Variants in SYN3 observed in about 807,000 individuals in gnomAD.
SYN3 encodes synapsin-3.
Under a neutral mutation model 65.8 loss-of-function variants are expected in SYN3, and 35 were observed. The observed-to-expected ratio is 0.53, with a 90% CI of 0.41 to 0.70. The LOEUF (loss-of-function observed/expected upper bound fraction) is 0.70. Ranked by LOEUF, SYN3 falls within the 30% of genes least tolerant of loss-of-function variation. The pLI is 0.00. For missense variants in SYN3, 680 were observed against 749.0 expected (o/e 0.91, Z 1.08); for synonymous variants, 270 against 292.9 (o/e 0.92, Z 0.80).
At chr22:32,719,760 A>G (rs2061090221) in intron 6 of SYN3, among the ~76,000 whole-genome samples, 1 of 152,216 alleles carries the variant, frequency 6.6e-6, no homozygotes, top group African/African-American at 2.4e-5. Context: ...AGGTGGGAGG[A>G]TGGCTTTAGC....
intron 6 of SYN3, among the ~76,000 whole-genome samples, chr22:32,697,741 A>T (rs1206487769): frequency 6.6e-6 from 1 of 152,232 alleles, no homozygotes; most frequent in African/African-American, 2.4e-5. Context: ...GCTATCAGTC[A>T]CTGTGCATTC....
intron 2 of SYN3, among the ~76,000 whole-genome samples, chr22:32,981,831 C>T (rs961005069): frequency 6.6e-6 from 1 of 152,012 alleles, no homozygotes; most frequent in Admixed American, 6.5e-5. Flanking sequence ...CCATATTTTT[C>T]TTAAATTCAT....
At chr22:32,939,945 G>A (rs1272881709) in intron 3 of SYN3, among the ~76,000 whole-genome samples, 1 of 152,124 alleles carries the variant, frequency 6.6e-6, no homozygotes, top group Non-Finnish European at 1.5e-5. Flanking sequence ...TTTCCTCAGT[G>A]GTTTTGCCAA....
chr22:32,965,612 G>C (rs1202235408), intron 3 of SYN3, among the ~76,000 whole-genome samples: 1 of 151,908 alleles, frequency 6.6e-6, no homozygotes. Flanking sequence ...GAGAGAGACA[G>C]ATAGATAATA....
chr22:32,890,083 T>TG (rs1404884946), intron 4 of SYN3, among the ~76,000 whole-genome samples: 1 of 145,856 alleles, frequency 6.9e-6, no homozygotes, highest in East Asian at 2.0e-4. Context: ...TTTTTTTTTT[T>TG]TTTTTTTTTT....
chr22:32,981,600 T>C (rs111599395), intron 2 of SYN3, among the ~76,000 whole-genome samples: 7 of 151,508 alleles, frequency 4.6e-5, no homozygotes, highest in Non-Finnish European at 7.4e-5. Flanking sequence ...ATAATAATAA[T>C]AATAATAATA....
chr22:33,009,751 A>AAC (rs58156623), intron 1 of SYN3, among the ~76,000 whole-genome samples: 12,644 of 141,034 alleles, frequency 0.09, 528 homozygotes, highest in Middle Eastern at 0.14. Flanking sequence ...TACGTATCTA[A>AAC]ACACACACAC....
rs371215489 is a variant in SYN3 at position 32,955,296 on chromosome 22, C to T, written c.370-23815G>A. On this transcript the variant is annotated intron_variant, in intron 3 of 13. Coordinates refer to ENST00000358763, the MANE Select transcript of SYN3 (RefSeq NM_003490.4). The stretch of plus-strand genomic sequence containing the variant: ...GCCAGCGGGTTCAGCACTCAGGATG[C>T]TAAATGCTGCAAAGAAAAATGAGGC... 2.2e-4 allele frequency among the ~76,000 whole-genome samples: 33 copies of T among 152,130 alleles called. 1 individual carries two copies. In the South Asian group the frequency reaches 6.8e-3, roughly 32 times the overall value.
chr22:32,865,308 C>T (rs567569510), intron 5 of SYN3, among the ~76,000 whole-genome samples: 1 of 152,326 alleles, frequency 6.6e-6, no homozygotes, highest in African/African-American at 2.4e-5. Context: ...TGTCCTTCTC[C>T]ACCTGCTGAT....
intron 6 of SYN3, among the ~76,000 whole-genome samples, chr22:32,744,460 C>T (rs1300537952): frequency 6.6e-6 from 1 of 152,216 alleles, no homozygotes; most frequent in Non-Finnish European, 1.5e-5. Flanking sequence ...AGTGAGCTAA[C>T]AGGCCGTGTA....
intron 6 of SYN3, among the ~76,000 whole-genome samples, chr22:32,794,788 G>A (rs180708713): frequency 2.4e-4 from 37 of 152,268 alleles, no homozygotes; most frequent in East Asian, 9.7e-4. Context: ...AGAGAGGACC[G>A]GAAAATATTC....
intron 6 of SYN3, among the ~76,000 whole-genome samples, chr22:32,609,535 G>A (rs1245555665): frequency 6.7e-6 from 1 of 149,254 alleles, no homozygotes; most frequent in East Asian, 2.0e-4. Context: ...GGAGTACAGT[G>A]GCGTGGTCGT....
intron 3 of SYN3, among the ~76,000 whole-genome samples, chr22:32,943,279 G>A (rs1249149178): frequency 2.0e-5 from 3 of 152,212 alleles, no homozygotes; most frequent in East Asian, 1.9e-4. Flanking sequence ...AGAAGAGAGT[G>A]AGGGCCAATA....
At chr22:32,839,394 A>T (rs2047830776) in intron 6 of SYN3, among the ~76,000 whole-genome samples, 1 of 152,136 alleles carries the variant, frequency 6.6e-6, no homozygotes, top group Admixed American at 6.5e-5. Flanking sequence ...AGCCATTTGC[A>T]GAGTAAAAGC....
chr22:32,579,704 C>T (rs1000666275), intron 7 of SYN3, among the ~76,000 whole-genome samples: 10 of 152,160 alleles, frequency 6.6e-5, no homozygotes, highest in African/African-American at 2.4e-4. Flanking sequence ...TGTCCTTGCC[C>T]CAGCCGCTTG....
At chr22:32,979,473 G>T (rs576378425) in intron 3 of SYN3, among the ~76,000 whole-genome samples, 4 of 152,332 alleles carry the variant, frequency 2.6e-5, no homozygotes, top group Non-Finnish European at 5.9e-5. Flanking sequence ...AACTTAGTTT[G>T]CTTAGAAGAC....
At chr22:32,973,845 G>A (rs1483513890) in intron 3 of SYN3, among the ~76,000 whole-genome samples, 1 of 152,136 alleles carries the variant, frequency 6.6e-6, no homozygotes, top group Non-Finnish European at 1.5e-5. Flanking sequence ...TCGCACCCAG[G>A]CTGGACGATC....
At chr22:33,024,523 C>T (rs1017583562) in intron 1 of SYN3, among the ~76,000 whole-genome samples, 1 of 152,152 alleles carries the variant, frequency 6.6e-6, no homozygotes, top group Admixed American at 6.5e-5. Context: ...CATTGGAGTA[C>T]AGGGAAAAAT....
At chr22:32,764,359 T>A (rs961250423) in intron 6 of SYN3, among the ~76,000 whole-genome samples, 2 of 152,166 alleles carry the variant, frequency 1.3e-5, no homozygotes, top group South Asian at 2.1e-4. Context: ...GGCCCACTCA[T>A]TTCCCCATGG....
Sources: allele counts gnomAD v4.1 joint callset (sites outside exome capture counted in the v4.1 genomes callset), GRCh38; gene constraint gnomAD v4.1.1; transcripts MANE v1.5; gene names NCBI Gene and HGNC (gene_info 2026-07-23, HGNC 2026-07-21).